Variants in PRKCG observed in about 807,000 individuals in gnomAD.
PRKCG encodes the protein protein kinase C gamma, also known as protein kinase C gamma type.
A neutral mutation model predicts 82.0 loss-of-function variants in PRKCG; 28 were observed. The observed-to-expected ratio is 0.34, with a 90% CI of 0.25 to 0.47. The LOEUF is 0.47. Among genes scored for constraint, PRKCG ranks in the 20% least tolerant of loss-of-function variants. PRKCG has a pLI of 1.00. For missense variants in PRKCG, 640 were observed against 952.7 expected (o/e 0.67, Z 4.32); for synonymous variants, 383 against 376.6 (o/e 1.02, Z -0.20).
chr19:53,901,806 C>T lies in PRKCG; in HGVS notation c.1575+1057C>T, dbSNP rs560484447. Among the ~76,000 whole-genome samples the T allele has an allele frequency of 3.2e-3, 462 of 146,204 alleles. 2 individuals carry two copies. The highest frequency in any genetic ancestry group is 9.9e-3 in the African/African-American group (385 of 39,046). On this transcript the variant is annotated intron_variant, in intron 14 of 17. Coordinates refer to ENST00000263431, the MANE Select transcript of PRKCG (RefSeq NM_002739.5). Reference sequence around the variant, plus strand: ...TGGAGGTTGCAGTGAGCTGAGATCGCGCCACTGCACTCCAGTCTGGGCAAC... The same window carrying T: ...TGGAGGTTGCAGTGAGCTGAGATCGTGCCACTGCACTCCAGTCTGGGCAAC...
At chr19:53,894,403 C>T (rs981751928) in intron 9 of PRKCG, among the ~76,000 whole-genome samples, 1 of 151,834 alleles carries the variant, frequency 6.6e-6, no homozygotes, top group African/African-American at 2.4e-5. Flanking sequence ...GCATGATCAT[C>T]TTAATCTCTC....
chr19:53,898,549 G>A lies in PRKCG; in HGVS notation c.1202G>A (p.Arg401His). The A allele has an allele frequency of 2.5e-6, 4 of 1,613,470 alleles. No homozygotes were observed. Among genetic ancestry groups the A allele is most frequent in the Non-Finnish European group, 3.4e-6 (4 of 1,179,964 alleles). ...DDVDCTLVEK[R>H]VLALGGRGPG... is the part of the protein sequence containing the mutation. ...GTGGACTGCACGCTGGTGGAGAAAC[G>A]TGTGCTGGCGCTGGGGGGCCGGGGT... Residue 401 changes from arginine to histidine, a missense_variant, in exon 11 of 18, where the codon CGT becomes CAT. This residue lies in a region of PRKCG where 78 missense variants were observed against 105.6 expected (regional missense o/e 0.74). Transcript: ENST00000263431.
At position 53,892,458 on chromosome 19, in the gene PRKCG, A is replaced by AGC; in HGVS notation, c.687-50_687-49insCG. On this transcript the variant is annotated intron_variant, in intron 6 of 17. Coordinates refer to ENST00000263431, the MANE Select transcript of PRKCG (RefSeq NM_002739.5). The surrounding 1 kb of genome is among the most constrained non-coding windows in gnomAD (Gnocchi z 5.9). Reference sequence around the variant, plus strand: ...CTCCAGCACCAAGGATGGGGAACCGAGGGGAGCCATGAGCTCGGCTCTGCA... The same window carrying AGC: ...CTCCAGCACCAAGGATGGGGAACCGAGCGGGGAGCCATGAGCTCGGCTCTGCA... The AGC allele has an allele frequency of 6.3e-7, 1 of 1,590,592 alleles. No homozygotes were observed. Among genetic ancestry groups the AGC allele is most frequent in the South Asian group, 1.1e-5 (1 of 88,870 alleles).
At chr19:53,893,512 C>T (rs1376289987) in intron 9 of PRKCG, 121 bp downstream of exon 9, 3 of 1,113,136 alleles carry the variant, frequency 2.7e-6, no homozygotes, top group East Asian at 2.4e-5. Flanking sequence ...TTGTGCTAGG[C>T]CTGTCTTGTG....
rs928389180 is a variant in PRKCG at position 53,883,449 on chromosome 19, G to A, written c.202+255G>A. On this transcript the variant is annotated intron_variant, in intron 2 of 17. Transcript: ENST00000263431. This position sits in a 1 kb window ranked among gnomAD's most constrained non-coding sequence, Gnocchi z 5.4. ...AGATATTTGGAGAATCTGTTGCCATGGGAACATGGAGATTTGGAAAAGGGG... is the reference window on the plus strand; with the variant it reads ...AGATATTTGGAGAATCTGTTGCCATAGGAACATGGAGATTTGGAAAAGGGG... Among the ~76,000 whole-genome samples, 2 of 151,788 alleles carry A rather than the reference G, an allele frequency of 1.3e-5. No individual in the cohort carries two copies. Among genetic ancestry groups the A allele is most frequent in the African/African-American group, 4.8e-5 (2 of 41,312 alleles).
intron 14 of PRKCG, among the ~76,000 whole-genome samples, chr19:53,902,775 G>A (rs2068772901): frequency 6.7e-6 from 1 of 150,346 alleles, no homozygotes; most frequent in Admixed American, 6.7e-5. Context: ...CACACCTGTA[G>A]CCCACCTACT....
rs1309390682 is a variant in PRKCG at position 53,890,011 on chromosome 19, G to GT, written c.524dup (p.Thr176AsnfsTer7). ...GGCTCCCACAGCAGATGAGATCCAC[G>GT]TAACTGGTGAGGCCCCGCCCCCTCG... On this transcript the variant is annotated frameshift_variant, in exon 5 of 18. Transcript: ENST00000263431. LOFTEE classifies it high-confidence loss of function. The GT allele has an allele frequency of 1.3e-6, 2 of 1,562,616 alleles. No individual in the cohort carries two copies.
rs1469824304 is a variant in PRKCG at position 53,889,979 on chromosome 19, A to T, written c.491A>T (p.Glu164Val). The T allele has an allele frequency of 6.4e-7, 1 of 1,572,742 alleles. No individual in the cohort carries two copies. Among genetic ancestry groups the T allele is most frequent in the Admixed American group, 1.8e-5 (1 of 54,188 alleles). The change falls in exon 5 of 18, where the codon GAG becomes GTG. Residue 164 changes from glutamate to valine, a missense_variant. This residue lies in a region of PRKCG where 261 missense variants were observed against 312.1 expected (regional missense o/e 0.84). Transcript: ENST00000263431. This position sits in a 1 kb window ranked among gnomAD's most constrained non-coding sequence, Gnocchi z 4.4. The stretch of plus-strand genomic sequence containing the variant: ...GAGCGCCGCGGGCGCCTGCAGCTGG[A>T]GATCCGGGCTCCCACAGCAGATGAG... The part of the protein sequence containing the change: ...HTERRGRLQL[E>V]IRAPTADEIH...
chr19:53,900,388 T>G lies in PRKCG; in HGVS notation c.1374-31T>G. 2 of 1,614,072 alleles carry G rather than the reference T, an allele frequency of 1.2e-6. No homozygotes were observed. Among genetic ancestry groups the G allele is most frequent in the Non-Finnish European group, 1.7e-6 (2 of 1,179,976 alleles). On this transcript the variant is annotated intron_variant, in intron 12 of 17. Transcript: ENST00000263431. The surrounding 1 kb of genome is among the most constrained non-coding windows in gnomAD (Gnocchi z 4.2). ...AGGGGGCAGGATCCAGCCACTGACC[T>G]TCTGACGTCCCCACCCACCCCGTCC...
chr19:53,907,125 C>T lies in PRKCG; in HGVS notation c.*230C>T. 4 of 993,254 alleles carry T rather than the reference C, an allele frequency of 4.0e-6. No individual in the cohort carries two copies. Among genetic ancestry groups the T allele is most frequent in the Middle Eastern group, 3.2e-4 (1 of 3,082 alleles). The allele number at this position is 993,254 out of a possible 1,614,324, so 61.5% of individuals were successfully genotyped here. On this transcript the variant is annotated 3_prime_UTR_variant, in exon 18 of 18. Coordinates refer to ENST00000263431, the MANE Select transcript of PRKCG (RefSeq NM_002739.5). ...CAAGACTTGAGCGGAGCCCGATATT[C>T]TCCCTGACCTTAGCGTTCTGGACTC...
In PRKCG at chr19:53,906,751, G is replaced by T; in HGVS notation, c.1950G>T (p.Ala650=). 1.9e-6 allele frequency: 3 copies of T among 1,613,334 alleles called. No homozygotes were observed. The South Asian group carries it at 3.3e-5, about 18-fold the overall frequency. Residue 650 remains alanine, a synonymous_variant, in exon 18 of 18, where the codon GCG becomes GCT. Coordinates refer to ENST00000263431, the MANE Select transcript of PRKCG (RefSeq NM_002739.5). ...GENFDKFFTR[A]APALTPPDRL... ...ACTTTGACAAGTTCTTCACGCGGGC[G>T]GCGCCAGCGCTGACCCCTCCAGACC...
rs2068613115 is a variant in PRKCG at position 53,884,012 on chromosome 19, C to T, written c.203-149C>T. The T allele has an allele frequency of 2.1e-5, 16 of 766,042 alleles. No individual in the cohort carries two copies. The highest frequency in any genetic ancestry group is 3.4e-5 in the Non-Finnish European group (15 of 447,110). The allele number at this position is 766,042 out of a possible 1,614,324, so 47.5% of individuals were successfully genotyped here. A position where few individuals can be genotyped will look rare whatever the true frequency, so the allele number is the denominator to read the frequency against. ...TTCTCTCTCTGGCCTCCGATTTTCTCTCTGTTGGACTCTCTGTGTTGAGAT... is the reference window on the plus strand; with the variant it reads ...TTCTCTCTCTGGCCTCCGATTTTCTTTCTGTTGGACTCTCTGTGTTGAGAT... On this transcript the variant is annotated intron_variant, in intron 2 of 17. Coordinates refer to ENST00000263431, the MANE Select transcript of PRKCG (RefSeq NM_002739.5). This position sits in a 1 kb window ranked among gnomAD's most constrained non-coding sequence, Gnocchi z 4.6.
chr19:53,901,271 C>T (rs1024014938), intron 14 of PRKCG, among the ~76,000 whole-genome samples: 13 of 152,098 alleles, frequency 8.5e-5, no homozygotes, highest in African/African-American at 3.1e-4. Context: ...CAGCTGGGCG[C>T]GGTGGCTCAC....
chr19:53,883,530 A>C lies in PRKCG; in HGVS notation c.202+336A>C, dbSNP rs1255754608. On this transcript the variant is annotated intron_variant, in intron 2 of 17. Coordinates refer to ENST00000263431, the MANE Select transcript of PRKCG (RefSeq NM_002739.5). This position sits in a 1 kb window ranked among gnomAD's most constrained non-coding sequence, Gnocchi z 5.4. ...AGATGCAAAGTCAGAGCCCCCCCCCACCCCAGGCTGCCGTCGCCATGACAA... is the reference window on the plus strand; with the variant it reads ...AGATGCAAAGTCAGAGCCCCCCCCCCCCCCAGGCTGCCGTCGCCATGACAA... Among the ~76,000 whole-genome samples, 1 of 149,644 alleles carries C rather than the reference A, an allele frequency of 6.7e-6. No homozygotes were observed. The highest frequency in any genetic ancestry group is 1.5e-5 in the Non-Finnish European group (1 of 67,610).
intron 15 of PRKCG, among the ~76,000 whole-genome samples, chr19:53,903,640 G>A (rs1478445130): frequency 6.6e-6 from 1 of 152,162 alleles, no homozygotes; most frequent in Non-Finnish European, 1.5e-5. Flanking sequence ...CTACTGGGGA[G>A]GCTGAGGCAG....
Position 53,892,599 on chromosome 19 carries a change from G to A in PRKCG, c.777G>A (p.Met259Ile). 1 of 1,613,514 alleles carries A rather than the reference G, an allele frequency of 6.2e-7. No homozygotes were observed. Among genetic ancestry groups the A allele is most frequent in the South Asian group, 1.1e-5 (1 of 91,070 alleles). The change falls in exon 7 of 18, where the codon ATG (methionine) becomes ATA (isoleucine). Residue 259 changes from methionine to isoleucine, a missense_variant. Met to Ile is a conservative substitution (Grantham distance 10). Coordinates refer to ENST00000263431, the MANE Select transcript of PRKCG (RefSeq NM_002739.5). The surrounding 1 kb of genome is among the most constrained non-coding windows in gnomAD (Gnocchi z 5.9). ...RTSRNDFMGA[M>I]SFGVSELLKA... Reference sequence around the variant, plus strand: ...CCCGCAACGACTTCATGGGGGCCATGTCCTTTGGCGTCTCGGAGCTGCTCA... The same window carrying A: ...CCCGCAACGACTTCATGGGGGCCATATCCTTTGGCGTCTCGGAGCTGCTCA...
In PRKCG at chr19:53,907,030, G is replaced by A; in HGVS notation, c.*135G>A. ...CAGCATTCCAGCTCTGCCCCCGCGG[G>A]TTCTAGACGCCCCTCCCAAGCGTTC... is the stretch of plus-strand genomic sequence containing the variant. On this transcript the variant is annotated 3_prime_UTR_variant, in exon 18 of 18. Coordinates refer to ENST00000263431, the MANE Select transcript of PRKCG (RefSeq NM_002739.5). 6.5e-7 allele frequency: 1 copy of A among 1,533,486 alleles called. No homozygotes were observed. The allele number at this position is 1,533,486 out of a possible 1,614,324, so 95.0% of individuals were successfully genotyped here. A position where few individuals can be genotyped will look rare whatever the true frequency, so the allele number is the denominator to read the frequency against.
intron 5 of PRKCG, among the ~76,000 whole-genome samples, chr19:53,890,270 T>C (rs1319823731): frequency 6.6e-6 from 1 of 152,142 alleles, no homozygotes; most frequent in African/African-American, 2.4e-5. Context: ...TTCTTTTTTT[T>C]TTTGGGACGG....
chr19:53,882,417 G>A lies in PRKCG; in HGVS notation c.-78G>A. Reference sequence around the variant, plus strand: ...TTCCCTGTGGCTCCTTTGATCCTTCGAGTCTCCAGCTCCTCTCCCTTCCAC... The same window carrying A: ...TTCCCTGTGGCTCCTTTGATCCTTCAAGTCTCCAGCTCCTCTCCCTTCCAC... On this transcript the variant is annotated 5_prime_UTR_variant, in exon 1 of 18. Coordinates refer to ENST00000263431, the MANE Select transcript of PRKCG (RefSeq NM_002739.5). The surrounding 1 kb of genome is among the most constrained non-coding windows in gnomAD (Gnocchi z 6.1). 7.1e-6 allele frequency: 11 copies of A among 1,557,422 alleles called. 1 individual carries two copies. The highest frequency in any genetic ancestry group is 9.6e-6 in the Non-Finnish European group (11 of 1,150,790).
Sources: allele counts gnomAD v4.1 joint callset (sites outside exome capture counted in the v4.1 genomes callset), GRCh38; gene constraint gnomAD v4.1.1; regional missense constraint gnomAD v4.1.1; non-coding constraint Gnocchi (gnomAD v3.1); transcripts MANE v1.5; gene names NCBI Gene and HGNC (gene_info 2026-07-23, HGNC 2026-07-21).